ZNRF1: variants seen among roughly 807,000 people sequenced by gnomAD.
ZNRF1 encodes zinc and ring finger 1, also known as E3 ubiquitin-protein ligase ZNRF1.
Under a neutral mutation model 18.4 loss-of-function variants are expected in ZNRF1, and 3 were observed. That is an observed-to-expected ratio of 0.16 (90% confidence interval 0.07 to 0.42). ZNRF1 has a LOEUF of 0.42. Ranked by LOEUF, ZNRF1 falls within the 10% of genes least tolerant of loss-of-function variation. The probability of loss-of-function intolerance (pLI) is 0.99; values close to 1 mark genes in which losing one functional copy is unlikely to be tolerated. For synonymous variants in ZNRF1, 157 were observed against 144.2 expected (o/e 1.09, Z -0.64); for missense variants, 310 against 329.8 (o/e 0.94, Z 0.47).
At chr16:75,012,071 G>A (rs912365225) in intron 1 of ZNRF1, among the ~76,000 whole-genome samples, 2 of 152,204 alleles carry the variant, frequency 1.3e-5, no homozygotes, top group African/African-American at 2.4e-5. Context: ...TAGCTGTTGG[G>A]GGAGGGATTT....
intron 2 of ZNRF1, among the ~76,000 whole-genome samples, chr16:75,102,134 G>A (rs1446786638): frequency 1.3e-5 from 2 of 152,184 alleles, no homozygotes; most frequent in Non-Finnish European, 2.9e-5. Flanking sequence ...GGGGTTCCTG[G>A]TGGGGGGCTT....
rs1739175591 is a variant in ZNRF1 at position 75,109,047 on chromosome 16, C to G, written c.*1347C>G. The stretch of plus-strand genomic sequence containing the variant: ...GGTTCTTCCAGGTGTGGGCCCAGCC[C>G]CCCTCCTTCCAGCCTTTGCTCCCCA... On this transcript the variant is annotated 3_prime_UTR_variant, in exon 5 of 5. Coordinates refer to ENST00000335325, the MANE Select transcript of ZNRF1 (RefSeq NM_032268.5). The G allele has an allele frequency of 6.5e-6, 1 of 153,354 alleles. No homozygotes were observed. The highest frequency in any genetic ancestry group is 1.5e-5 in the Non-Finnish European group (1 of 68,868). The allele number at this position is 153,354 out of a possible 1,614,324, so 9.5% of individuals were successfully genotyped here.
chr16:75,094,222 C>A (rs966713093), intron 2 of ZNRF1, among the ~76,000 whole-genome samples: 1 of 152,186 alleles, frequency 6.6e-6, no homozygotes, highest in Non-Finnish European at 1.5e-5. Context: ...GACATAGAGA[C>A]GCTCTGGGGA....
intron 1 of ZNRF1, among the ~76,000 whole-genome samples, chr16:75,009,021 C>T (rs565306623): frequency 2.2e-4 from 34 of 152,288 alleles, no homozygotes; most frequent in African/African-American, 7.5e-4. Flanking sequence ...GATTTTCAGA[C>T]TCTTCATGTG....
chr16:75,026,751 C>T (rs1034775572), intron 1 of ZNRF1, among the ~76,000 whole-genome samples: 2 of 151,634 alleles, frequency 1.3e-5, no homozygotes, highest in African/African-American at 4.8e-5. Context: ...GCCTGGCCAA[C>T]GTGGTGAAAC....
intron 1 of ZNRF1, among the ~76,000 whole-genome samples, chr16:75,069,330 C>A (rs2072087398): frequency 2.0e-5 from 3 of 152,144 alleles, no homozygotes; most frequent in Admixed American, 6.5e-5. Flanking sequence ...CCATCTTTGC[C>A]CAGGTGTTTA....
Position 75,093,641 on chromosome 16 carries a change from T to G in ZNRF1, c.494T>G (p.Leu165Trp), listed in dbSNP as rs1247662054. ...ATGGAAATGCACTTTATAATGTGTT[T>G]GAGCAAACCTCGCCTCTCCTACAAC... ...DEMEMHFIMCLSKPRLSYNDD... is the reference protein window; with the variant it reads ...DEMEMHFIMCWSKPRLSYNDD... The change falls in exon 2 of 5, where the codon TTG becomes TGG. Residue 165 changes from leucine (L) to tryptophan (W), a missense_variant. By Grantham distance (61) the Leu-to-Trp change is moderately conservative. This residue lies in a region of ZNRF1 where 293 missense variants were observed against 291.2 expected (regional missense o/e 1.01). Coordinates refer to ENST00000335325, the MANE Select transcript of ZNRF1 (RefSeq NM_032268.5). The G allele has an allele frequency of 3.1e-6, 5 of 1,614,062 alleles. No individual in the cohort carries two copies. The highest frequency in any genetic ancestry group is 1.1e-5 in the South Asian group (1 of 91,082).
intron 2 of ZNRF1, among the ~76,000 whole-genome samples, chr16:75,095,411 C>T (rs978229022): frequency 1.3e-5 from 2 of 152,036 alleles, no homozygotes; most frequent in Non-Finnish European, 1.5e-5. Flanking sequence ...TCAGCTTTGT[C>T]CCTGTTCGCC....
chr16:75,092,698 C>G (rs2036153778), intron 1 of ZNRF1, among the ~76,000 whole-genome samples: 2 of 152,206 alleles, frequency 1.3e-5, no homozygotes, highest in African/African-American at 4.8e-5. Context: ...AGTTGAAACT[C>G]TGGATGTGTA....
chr16:75,090,961 G>T (rs1447657987), intron 1 of ZNRF1, among the ~76,000 whole-genome samples: 1 of 152,040 alleles, frequency 6.6e-6, no homozygotes. Flanking sequence ...ATGTTGCTCA[G>T]GCTAGTCTTG....
At chr16:75,085,818 G>GAGAT (rs11274892) in intron 1 of ZNRF1, among the ~76,000 whole-genome samples, 1 of 146,864 alleles carries the variant, frequency 6.8e-6, no homozygotes, top group Admixed American at 6.7e-5. Context: ...GAGAGAGAGA[G>GAGAT]TGAGTGTGTG....
At chr16:75,071,462 C>G (rs1428706585) in intron 1 of ZNRF1, among the ~76,000 whole-genome samples, 1 of 152,152 alleles carries the variant, frequency 6.6e-6, no homozygotes. Flanking sequence ...GGCCGTCAAT[C>G]CAAATGCTGA....
At chr16:75,043,151 GTTTTAA>G (rs1381413656) in intron 1 of ZNRF1, among the ~76,000 whole-genome samples, 2 of 152,260 alleles carry the variant, frequency 1.3e-5, no homozygotes, top group African/African-American at 4.8e-5. Flanking sequence ...AGCCTCCTTT[GTTTTAA>G]AGCCGTATTT....
intron 1 of ZNRF1, among the ~76,000 whole-genome samples, chr16:75,046,533 G>A (rs1411481729): frequency 6.6e-6 from 1 of 152,136 alleles, no homozygotes; most frequent in African/African-American, 2.4e-5. Context: ...TTACAGGCGT[G>A]AGCCACCACA....
At chr16:75,064,428 T>A (rs1317041109) in intron 1 of ZNRF1, among the ~76,000 whole-genome samples, 1 of 151,598 alleles carries the variant, frequency 6.6e-6, no homozygotes, top group Non-Finnish European at 1.5e-5. Context: ...TGGTAGCAGA[T>A]GCCTGTAATC....
chr16:75,033,659 A>T lies in ZNRF1; in HGVS notation c.424+33564A>T, dbSNP rs575012242. On this transcript the variant is annotated intron_variant, in intron 1 of 4. Transcript: ENST00000335325. ...CCCATGTTGGCCAGGCTCATCTTGA[A>T]CTCCTGACCTCAAGTGATCTGTTTC... 4.0e-5 allele frequency among the ~76,000 whole-genome samples: 6 copies of T among 149,976 alleles called. No individual in the cohort carries two copies. In the South Asian group the frequency reaches 1.3e-3, roughly 32 times the overall value.
At chr16:75,053,589 CAAAAAA>C (rs56775288) in intron 1 of ZNRF1, among the ~76,000 whole-genome samples, 3 of 71,616 alleles carry the variant, frequency 4.2e-5, no homozygotes, top group East Asian at 4.1e-4. Flanking sequence ...GACTCCATCT[CAAAAAA>C]AAAAAAAAAA....
chr16:75,051,025 G>A (rs1284922651), intron 1 of ZNRF1, among the ~76,000 whole-genome samples: 2 of 117,576 alleles, frequency 1.7e-5, no homozygotes, highest in Non-Finnish European at 3.7e-5. Flanking sequence ...AGACCTTGTC[G>A]CTACAAAAAG....
chr16:75,094,090 G>A (rs935200095), intron 2 of ZNRF1, among the ~76,000 whole-genome samples: 1 of 152,216 alleles, frequency 6.6e-6, no homozygotes, highest in Non-Finnish European at 1.5e-5. Context: ...TGGGGGCTGT[G>A]TGCTGGTGGC....
Sources: allele counts gnomAD v4.1 joint callset (sites outside exome capture counted in the v4.1 genomes callset), GRCh38; gene constraint gnomAD v4.1.1; regional missense constraint gnomAD v4.1.1; transcripts MANE v1.5; gene names NCBI Gene and HGNC (gene_info 2026-07-23, HGNC 2026-07-21).